Variants in ACTN4 observed in about 807,000 individuals in gnomAD.
The protein encoded by ACTN4 is alpha-actinin-4.
In ACTN4, 18 loss-of-function variants were observed where a neutral mutation model predicts 114.2. The ratio of observed to expected loss-of-function variants is 0.16; its 90% CI spans 0.11 to 0.23. The LOEUF (loss-of-function observed/expected upper bound fraction) is 0.23. ACTN4 is among the 10% of genes least tolerant of loss of function. The probability of loss-of-function intolerance (pLI) is 1.00; values close to 1 mark genes in which losing one functional copy is unlikely to be tolerated. For synonymous variants in ACTN4, 515 were observed against 506.3 expected (o/e 1.02, Z -0.23); for missense variants, 722 against 1,262.9 (o/e 0.57, Z 6.49).
At chr19:38,668,846 T>A (rs1967045530) in intron 1 of ACTN4, among the ~76,000 whole-genome samples, 1 of 152,116 alleles carries the variant, frequency 6.6e-6, no homozygotes, top group African/African-American at 2.4e-5. Context: ...TGAAAAGGGT[T>A]TTTCCAATGT....
chr19:38,699,824 C>T (rs890384790), intron 1 of ACTN4, among the ~76,000 whole-genome samples: 4 of 151,598 alleles, frequency 2.6e-5, no homozygotes, highest in Admixed American at 6.6e-5. Context: ...GACAGAGGGA[C>T]GGGGGCATCT....
intron 19 of ACTN4, 89 bp downstream of exon 19, chr19:38,728,115 C>T: frequency 6.8e-7 from 1 of 1,475,544 alleles, no homozygotes; most frequent in Middle Eastern, 1.7e-4. Flanking sequence ...CATCCCACCC[C>T]TGCCATCCTG....
intron 8 of ACTN4, chr19:38,710,721 AG>A: frequency 2.8e-6 from 1 of 357,840 alleles, no homozygotes. Context: ...GTCAATGTGG[AG>A]GGGTGAAGTG....
chr19:38,702,401 C>T (rs1007245250), intron 3 of ACTN4, among the ~76,000 whole-genome samples: 1 of 152,216 alleles, frequency 6.6e-6, no homozygotes. Flanking sequence ...TTCGCGGGAG[C>T]ATTGGCTTCC....
In ACTN4 at chr19:38,699,492, C is replaced by T. The variant is rs534125144; in HGVS notation, c.163-1108C>T. On this transcript the variant is annotated intron_variant, in intron 1 of 20. Coordinates refer to ENST00000252699, the MANE Select transcript of ACTN4 (RefSeq NM_004924.6). ...GGATAGGGCTGGGTGTGGTGGCTCA[C>T]GCCTGTAATCCCAGCAGTTTGGGAG... Among the ~76,000 whole-genome samples the T allele has an allele frequency of 1.2e-4, 19 of 152,222 alleles. No individual in the cohort carries two copies. In the South Asian group the frequency reaches 3.3e-3, roughly 27 times the overall value.
chr19:38,663,548 A>G (rs1976955310), intron 1 of ACTN4, among the ~76,000 whole-genome samples: 1 of 152,126 alleles, frequency 6.6e-6, no homozygotes, highest in Non-Finnish European at 1.5e-5. Flanking sequence ...AGTCATGGAA[A>G]CTTTCATAAA....
intron 11 of ACTN4, among the ~76,000 whole-genome samples, chr19:38,720,154 G>A (rs543366345): frequency 5.9e-5 from 9 of 152,288 alleles, no homozygotes; most frequent in Non-Finnish European, 1.0e-4. Context: ...TGGGGTGGGT[G>A]GGCCACCTTC....
At chr19:38,662,673 A>T (rs2144853903) in intron 1 of ACTN4, among the ~76,000 whole-genome samples, 1 of 152,304 alleles carries the variant, frequency 6.6e-6, no homozygotes, top group Non-Finnish European at 1.5e-5. Context: ...AATGTGTCGG[A>T]TTAGGTTGAG....
intron 1 of ACTN4, among the ~76,000 whole-genome samples, chr19:38,661,072 C>T (rs1023891004): frequency 6.6e-6 from 1 of 152,164 alleles, no homozygotes; most frequent in African/African-American, 2.4e-5. Context: ...CCCGAGTGGT[C>T]AGAGCGGAGC....
In ACTN4 at chr19:38,731,103, TCA is replaced by T. The variant is rs1491248516; in HGVS notation, c.*1674_*1675del. 5.6e-6 allele frequency: 9 copies of T among 1,608,992 alleles called. No homozygotes were observed. Among genetic ancestry groups the T allele is most frequent in the Non-Finnish European group, 7.6e-6 (9 of 1,178,324 alleles). ...ATGCCCCACCATGCCGGGGTGGTACTCACAGAAGATGCAGGTGAGGTGGGCCA... is the reference window on the plus strand; with the variant it reads ...ATGCCCCACCATGCCGGGGTGGTACTCAGAAGATGCAGGTGAGGTGGGCCA... On this transcript the variant is annotated 3_prime_UTR_variant, in exon 21 of 21. Transcript: ENST00000252699.
chr19:38,657,595 A>T (rs1168519833), intron 1 of ACTN4, among the ~76,000 whole-genome samples: 1 of 152,160 alleles, frequency 6.6e-6, no homozygotes, highest in Non-Finnish European at 1.5e-5. Context: ...AGCTATACAG[A>T]TTGAGGGGAC....
At chr19:38,693,184 A>C (rs888868192) in intron 1 of ACTN4, among the ~76,000 whole-genome samples, 1 of 151,910 alleles carries the variant, frequency 6.6e-6, no homozygotes, top group South Asian at 2.1e-4. Context: ...TGGAATCCAC[A>C]TGTGAGCATC....
chr19:38,671,772 C>G (rs1414059053), intron 1 of ACTN4, among the ~76,000 whole-genome samples: 1 of 152,024 alleles, frequency 6.6e-6, no homozygotes, highest in African/African-American at 2.4e-5. Context: ...GCATTTGGAG[C>G]AGGCAGTCTG....
intron 1 of ACTN4, among the ~76,000 whole-genome samples, chr19:38,678,927 T>G (rs1452628360): frequency 6.6e-6 from 1 of 152,206 alleles, no homozygotes; most frequent in Admixed American, 6.5e-5. Flanking sequence ...TGCTCTGATA[T>G]GCCTTTGAAA....
In ACTN4 at chr19:38,727,921, AC is replaced by A; in HGVS notation, c.2338-23del. 1 of 1,610,134 alleles carries A rather than the reference AC, an allele frequency of 6.2e-7. No homozygotes were observed. ...GGTCTCCACGCCGCCCCTCCCGCAC[AC>A]CTGCCTTCGGATGGCCCCGGCAGGA... On this transcript the variant is annotated intron_variant, in intron 18 of 20. Transcript: ENST00000252699. The surrounding 1 kb of genome is among the most constrained non-coding windows in gnomAD (Gnocchi z 5.4).
intron 1 of ACTN4, among the ~76,000 whole-genome samples, chr19:38,662,154 A>G (rs1290893249): frequency 1.3e-5 from 2 of 152,156 alleles, no homozygotes; most frequent in Non-Finnish European, 2.9e-5. Flanking sequence ...GTCCAGGAAT[A>G]TGACAGGTTT....
At chr19:38,649,378 G>T (rs974701565) in intron 1 of ACTN4, among the ~76,000 whole-genome samples, 1 of 151,774 alleles carries the variant, frequency 6.6e-6, no homozygotes, top group East Asian at 1.9e-4. Flanking sequence ...GGAAGGGGTT[G>T]TTCAGAAGTT....
At chr19:38,715,835 T>C (rs1968821049) in intron 9 of ACTN4, among the ~76,000 whole-genome samples, 2 of 152,242 alleles carry the variant, frequency 1.3e-5, no homozygotes, top group South Asian at 2.1e-4. Context: ...TGCCAGAAGT[T>C]GGCATTTGGG....
chr19:38,717,192 G>A lies in ACTN4; in HGVS notation c.1019G>A (p.Arg340His). Residue 340 changes from arginine (R) to histidine (H), a missense_variant, in exon 10 of 21, where the codon CGT (arginine) becomes CAT (histidine). By Grantham distance (29) the Arg-to-His change is conservative. Transcript: ENST00000252699. This position sits in a 1 kb window ranked among gnomAD's most constrained non-coding sequence, Gnocchi z 4.0. Reference protein sequence around the residue: ...QKLEDFRDYRRVHKPPKVQEK... With the variant: ...QKLEDFRDYRHVHKPPKVQEK... ...CTGGAGGACTTCCGCGACTACCGGC[G>A]TGTGCACAAGCCGCCCAAGGTGCAG... 1.9e-6 allele frequency: 3 copies of A among 1,614,252 alleles called. No individual in the cohort carries two copies. The highest frequency in any genetic ancestry group is 2.5e-6 in the Non-Finnish European group (3 of 1,180,052).
Sources: gnomAD v4.1 joint callset for allele counts (sites outside exome capture counted in the v4.1 genomes callset) on GRCh38, gnomAD v4.1.1 for gene constraint, Gnocchi (gnomAD v3.1) non-coding constraint, MANE v1.5 for transcripts, NCBI Gene and HGNC (gene_info 2026-07-23, HGNC 2026-07-21) for gene names.